The following ITLN2 variants were observed in gnomAD, a reference collection of about 807,000 sequenced individuals.
ITLN2 encodes the protein intelectin-2.
Under a neutral mutation model 39.4 loss-of-function variants are expected in ITLN2, and 29 were observed. The ratio of observed to expected loss-of-function variants is 0.74; its 90% CI spans 0.55 to 1.00. The LOEUF (loss-of-function observed/expected upper bound fraction) is 1.00. Among genes scored for constraint, ITLN2 ranks in the 50% least tolerant of loss-of-function variants. ITLN2 has a pLI of 0.00. For synonymous variants in ITLN2, 156 were observed against 153.4 expected (o/e 1.02, Z -0.12); for missense variants, 412 against 416.7 (o/e 0.99, Z 0.10).
At chr1:160,946,116 GAAACCCATCTCTACT>G (rs1281012956) in intron 7 of ITLN2, among the ~76,000 whole-genome samples, 3 of 151,826 alleles carry the variant, frequency 2.0e-5, no homozygotes, top group Admixed American at 1.3e-4. Context: ...AGAACATGGA[GAAACCCATCTCTACT>G]AAACCCATCT....
rs375075864 is a variant in ITLN2 at position 160,945,116 on chromosome 1, G to A, written c.*24C>T. On this transcript the variant is annotated 3_prime_UTR_variant, in exon 8 of 8. Coordinates refer to ENST00000368029, the MANE Select transcript of ITLN2 (RefSeq NM_080878.3). ...AGCCGGGGTTGGAAGATGGGTTCTCGCCCTGACACCGCAGAGCTCTGTCTC... is the reference window on the plus strand; with the variant it reads ...AGCCGGGGTTGGAAGATGGGTTCTCACCCTGACACCGCAGAGCTCTGTCTC... 528 of 1,549,714 alleles carry A rather than the reference G, an allele frequency of 3.4e-4. No individual in the cohort carries two copies. Among genetic ancestry groups the A allele is most frequent in the Non-Finnish European group, 4.0e-4 (461 of 1,159,866 alleles).
At chr1:160,951,438 GTT>G (rs1671743699) in intron 3 of ITLN2, 148 bp from the exon 4 acceptor site, 5 of 1,096,948 alleles carry the variant, frequency 4.6e-6, no homozygotes, top group Non-Finnish European at 5.1e-6. Flanking sequence ...TGCATCTTGT[GTT>G]CTGCTCACCT....
In ITLN2 at chr1:160,952,807, T is replaced by C. The variant is rs2101941002; in HGVS notation, c.80-74A>G. On this transcript the variant is annotated intron_variant, in intron 2 of 7. Coordinates refer to ENST00000368029, the MANE Select transcript of ITLN2 (RefSeq NM_080878.3). ...ATCTTTCCTGGCCAATCTCTGCCCC[T>C]GTATCAACTCATCACTCTGCTCTGA... 6 of 1,065,954 alleles carry C rather than the reference T, an allele frequency of 5.6e-6. No individual in the cohort carries two copies. The East Asian group carries it at 1.4e-4, about 26-fold the overall frequency. The allele number at this position is 1,065,954 out of a possible 1,614,324, so 66.0% of individuals were successfully genotyped here. A position where few individuals can be genotyped will look rare whatever the true frequency, so the allele number is the denominator to read the frequency against.
At chr1:160,950,806 G>A in intron 4 of ITLN2, 95 bp from the exon 5 acceptor site, 2 of 1,535,538 alleles carry the variant, frequency 1.3e-6, no homozygotes, top group Non-Finnish European at 1.8e-6. Context: ...AGAGCTCTGG[G>A]ATCAGTAGGC....
rs764207519 is a variant in ITLN2, at chr1:160,954,765, A to G, written c.-24T>C. The G allele has an allele frequency of 8.1e-6, 13 of 1,613,698 alleles. No homozygotes were observed. Among genetic ancestry groups the G allele is most frequent in the Non-Finnish European group, 8.5e-6 (10 of 1,179,756 alleles). On this transcript the variant is annotated 5_prime_UTR_variant, in exon 1 of 8. Coordinates refer to ENST00000368029, the MANE Select transcript of ITLN2 (RefSeq NM_080878.3). The stretch of plus-strand genomic sequence containing the variant: ...ATCCTTACAGATGCCAGGAGCTGAT[A>G]GTTCCCTTCCTGTGGACACTCGGAG...
chr1:160,953,998 C>A (rs1041212264), intron 2 of ITLN2, among the ~76,000 whole-genome samples: 5 of 152,042 alleles, frequency 3.3e-5, no homozygotes, highest in Non-Finnish European at 7.4e-5. Flanking sequence ...TCCTCCTCTG[C>A]GACTAGAGGA....
Position 160,950,096 on chromosome 1 carries a change from T to C in ITLN2, c.671A>G (p.Asp224Gly), listed in dbSNP as rs1557873979. ...TGCAGTCTTCTTAGCATCACCAAAG[T>C]CATAGACCACAGGTATGGCTGGGCC... ...DNGPAIPVVY[D>G]FGDAKKTASY... The change falls in exon 6 of 8, where the codon GAC (aspartate) becomes GGC (glycine). Residue 224 changes from aspartate to glycine, a missense_variant. Physicochemically the swap from Asp to Gly is moderately conservative, Grantham distance 94. Coordinates refer to ENST00000368029, the MANE Select transcript of ITLN2 (RefSeq NM_080878.3). The C allele has an allele frequency of 6.2e-7, 1 of 1,613,734 alleles. No individual in the cohort carries two copies. The highest frequency in any genetic ancestry group is 8.5e-7 in the Non-Finnish European group (1 of 1,179,748).
intron 3 of ITLN2, among the ~76,000 whole-genome samples, chr1:160,951,674 C>T (rs1215250377): frequency 6.6e-6 from 1 of 152,224 alleles, no homozygotes; most frequent in African/African-American, 2.4e-5. Context: ...ATTCAGCTTC[C>T]CTAAGCTCAG....
intron 2 of ITLN2, among the ~76,000 whole-genome samples, chr1:160,953,658 C>A (rs1028441556): frequency 6.6e-6 from 1 of 151,882 alleles, no homozygotes; most frequent in African/African-American, 2.4e-5. Context: ...TTGCAGTGAG[C>A]CGACATCACG....
chr1:160,952,376 G>A (rs183334508), intron 3 of ITLN2, among the ~76,000 whole-genome samples: 6 of 151,908 alleles, frequency 3.9e-5, no homozygotes, highest in Non-Finnish European at 8.8e-5. Flanking sequence ...AATCTCAGAC[G>A]CATCACAGTT....
intron 6 of ITLN2, 105 bp from the exon 7 acceptor site, chr1:160,948,137 C>A: frequency 1.2e-6 from 1 of 846,472 alleles, no homozygotes; most frequent in Non-Finnish European, 1.9e-6. Flanking sequence ...GCTGAGGCTA[C>A]AGCCAAACAC....
At chr1:160,952,522 G>T in intron 3 of ITLN2, 98 bp downstream of exon 3, 1 of 806,310 alleles carries the variant, frequency 1.2e-6, no homozygotes, top group Non-Finnish European at 2.1e-6. Flanking sequence ...GGCAGAACAG[G>T]CTCCATATGG....
rs1307857162 is a variant in ITLN2 at position 160,951,145 on chromosome 1, G to A, written c.339C>T (p.Ser113=). 3 of 1,614,048 alleles carry A rather than the reference G, an allele frequency of 1.9e-6. No homozygotes were observed. The highest frequency in any genetic ancestry group is 1.7e-6 in the Non-Finnish European group (2 of 1,180,052). The change falls in exon 4 of 8, where the codon TCC becomes TCT. Residue 113 remains serine (S), a synonymous_variant. Coordinates refer to ENST00000368029, the MANE Select transcript of ITLN2 (RefSeq NM_080878.3). ...AGTCTGCTTTGTTGCCCTGCTGACT[G>A]GACCAGCGATCACCCACCGTGCACT... The part of the protein sequence containing the change: ...RGKCTVGDRW[S]SQQGNKADYP...
chr1:160,951,719 G>A (rs181618833), intron 3 of ITLN2, among the ~76,000 whole-genome samples: 1 of 152,312 alleles, frequency 6.6e-6, no homozygotes, highest in East Asian at 1.9e-4. Context: ...GCAGGAGACT[G>A]GCTCCACGGT....
At chr1:160,951,871 C>T (rs898945145) in intron 3 of ITLN2, among the ~76,000 whole-genome samples, 1 of 152,212 alleles carries the variant, frequency 6.6e-6, no homozygotes, top group South Asian at 2.1e-4. Flanking sequence ...CTTCTCACCC[C>T]CCTTCCCATC....
chr1:160,947,007 G>C (rs1348634863), intron 7 of ITLN2, among the ~76,000 whole-genome samples: 1 of 152,204 alleles, frequency 6.6e-6, no homozygotes, highest in Admixed American at 6.5e-5. Context: ...AGAAAGAACA[G>C]TGGGACCAGG....
rs1006217234 is a variant in ITLN2, at chr1:160,950,955, C to T, written c.441+88G>A. 3.1e-6 allele frequency: 5 copies of T among 1,608,290 alleles called. No individual in the cohort carries two copies. In the Admixed American group the frequency reaches 8.4e-5, roughly 27 times the overall value. On this transcript the variant is annotated intron_variant, in intron 4 of 7. Transcript: ENST00000368029. ...TCTTCTCCAGCCCTTCCCCATATCC[C>T]CACCTTCCAGCCCTCCCTCCTGCAG... is the stretch of plus-strand genomic sequence containing the variant.
intron 3 of ITLN2, among the ~76,000 whole-genome samples, chr1:160,952,044 T>C (rs1179222517): frequency 1.3e-5 from 2 of 152,212 alleles, no homozygotes; most frequent in Admixed American, 6.5e-5. Flanking sequence ...ACTGCCCATG[T>C]TGTGTTGTCA....
At chr1:160,951,364 C>A in intron 3 of ITLN2, 74 bp from the exon 4 acceptor site, 2 of 1,514,356 alleles carry the variant, frequency 1.3e-6, no homozygotes, top group Non-Finnish European at 1.8e-6. Context: ...AATAGAAAAG[C>A]CCTAGGAAGT....
Sources: gnomAD v4.1 joint callset for allele counts (sites outside exome capture counted in the v4.1 genomes callset) on GRCh38, gnomAD v4.1.1 for gene constraint, MANE v1.5 for transcripts, NCBI Gene and HGNC (gene_info 2026-07-23, HGNC 2026-07-21) for gene names.